Variants in NLGN1 observed in about 807,000 individuals in gnomAD.
NLGN1 encodes neuroligin-1.
NLGN1 carries 12 observed loss-of-function variants against 65.5 expected under a neutral mutation model. That is an observed-to-expected ratio of 0.18 (90% CI 0.12 to 0.30). NLGN1 has a LOEUF of 0.30. Ranked by LOEUF, NLGN1 falls within the 10% of genes least tolerant of loss-of-function variation. The probability of loss-of-function intolerance (pLI) is 1.00; values close to 1 mark genes in which losing one functional copy is unlikely to be tolerated. For missense variants in NLGN1, 750 were observed against 1,007.1 expected, an observed-to-expected ratio of 0.74 and a Z score of 3.46; for synonymous variants, 350 against 359.5, an observed-to-expected ratio of 0.97 and a Z score of 0.30.
intron 3 of NLGN1, among the ~76,000 whole-genome samples, chr3:173,806,475 G>A (rs180947414): frequency 3.3e-5 from 5 of 151,792 alleles, no homozygotes; most frequent in African/African-American, 1.2e-4. Context: ...TAAATTATAC[G>A]TTTTAATATT....
chr3:173,658,409 C>T (rs531707878), intron 3 of NLGN1, among the ~76,000 whole-genome samples: 74 of 152,010 alleles, frequency 4.9e-4, no homozygotes, highest in Non-Finnish European at 8.2e-4. Context: ...AGTTGTGCTT[C>T]AGAGTAGAAT....
chr3:174,147,486 T>G (rs955009021), intron 4 of NLGN1, among the ~76,000 whole-genome samples: 1 of 128,524 alleles, frequency 7.8e-6, no homozygotes, highest in Non-Finnish European at 1.6e-5. Context: ...CAGGCTGGAG[T>G]GCAAAAGAGC....
chr3:174,017,798 G>A (rs1450818339), intron 4 of NLGN1, among the ~76,000 whole-genome samples: 1 of 152,102 alleles, frequency 6.6e-6, no homozygotes, highest in Non-Finnish European at 1.5e-5. Context: ...AATATTACAA[G>A]GCAACTGGAG....
At chr3:174,237,731 A>G (rs1378295937) in intron 4 of NLGN1, among the ~76,000 whole-genome samples, 1 of 152,026 alleles carries the variant, frequency 6.6e-6, no homozygotes, top group Non-Finnish European at 1.5e-5. Context: ...TAATTTTTGT[A>G]TTTTTAGTAG....
chr3:174,016,911 G>A (rs1299405077), intron 4 of NLGN1, among the ~76,000 whole-genome samples: 1 of 152,084 alleles, frequency 6.6e-6, no homozygotes, highest in African/African-American at 2.4e-5. Context: ...GGATTGGGTT[G>A]AGAAAGGAGC....
At chr3:174,293,696 G>T in the NLGN1 span, among the ~76,000 whole-genome samples, 1 of 151,598 alleles carries the variant, frequency 6.6e-6, no homozygotes, top group Non-Finnish European at 1.5e-5. Flanking sequence ...TCAGGGGTGA[G>T]AGGAAATAAA....
chr3:173,692,489 A>T (rs75357486), intron 3 of NLGN1, among the ~76,000 whole-genome samples: 1 of 152,116 alleles, frequency 6.6e-6, no homozygotes, highest in Non-Finnish European at 1.5e-5. Flanking sequence ...AACATAGAAA[A>T]TACTATATAA....
intron 3 of NLGN1, among the ~76,000 whole-genome samples, chr3:173,700,921 C>G (rs1026259826): frequency 1.3e-5 from 2 of 152,038 alleles, no homozygotes; most frequent in South Asian, 2.1e-4. Flanking sequence ...GTCAGGAGAT[C>G]GAGACCATCC....
chr3:173,853,297 T>A (rs1450097807), intron 4 of NLGN1, among the ~76,000 whole-genome samples: 3 of 152,190 alleles, frequency 2.0e-5, no homozygotes, highest in Non-Finnish European at 4.4e-5. Flanking sequence ...GATGTTCCCA[T>A]TGCTGATGCT....
At chr3:174,273,021 CTGT>C (rs201229386) in intron 4 of NLGN1, among the ~76,000 whole-genome samples, 18 of 149,504 alleles carry the variant, frequency 1.2e-4, no homozygotes, top group South Asian at 4.2e-4. Flanking sequence ...TTTTACAGCA[CTGT>C]TGTTATATAA....
In NLGN1 at chr3:173,490,693, G is replaced by C. The variant is rs999411038; in HGVS notation, c.-321+55615G>C. 9.0e-3 allele frequency among the ~76,000 whole-genome samples: 1,367 copies of C among 152,066 alleles called. 24 individuals carry two copies. The highest frequency in any genetic ancestry group is 0.032 in the African/African-American group (1,315 of 41,490). ...TATAAATTACCTTGGGCAGTATGGCGATTTTCACGATATTGATTCTTCCTA... is the reference window on the plus strand; with the variant it reads ...TATAAATTACCTTGGGCAGTATGGCCATTTTCACGATATTGATTCTTCCTA... On this transcript the variant is annotated intron_variant, in intron 2 of 6. Coordinates refer to ENST00000457714, the Ensembl canonical transcript of NLGN1.
intron 4 of NLGN1, among the ~76,000 whole-genome samples, chr3:174,066,562 C>CTGTG (rs1401534201): frequency 3.1e-5 from 4 of 129,930 alleles, no homozygotes; most frequent in African/African-American, 9.6e-5. Flanking sequence ...CTCTCTCTCT[C>CTGTG]TCTGTGTGTG....
chr3:173,856,137 A>C (rs1389864935), intron 4 of NLGN1, among the ~76,000 whole-genome samples: 2 of 152,254 alleles, frequency 1.3e-5, no homozygotes, highest in East Asian at 3.9e-4. Context: ...TCAAGTGTAC[A>C]GCTTCTTCTT....
chr3:174,043,431 A>G (rs1479716876), intron 4 of NLGN1, among the ~76,000 whole-genome samples: 1 of 152,230 alleles, frequency 6.6e-6, no homozygotes, highest in Non-Finnish European at 1.5e-5. Flanking sequence ...AAATCAAGTT[A>G]CTTACTTCCT....
Position 173,653,536 on chromosome 3 carries a change from T to C in NLGN1, c.493+48445T>C, listed in dbSNP as rs963936984. On this transcript the variant is annotated intron_variant, in intron 3 of 6. Coordinates refer to ENST00000457714, the Ensembl canonical transcript of NLGN1. ...CCTTAACTTTGTTTATATGATGAAT[T>C]ACATTTATTGACAAAAATGTTAGCC... Among the ~76,000 whole-genome samples, 8 of 152,222 alleles carry C rather than the reference T, an allele frequency of 5.3e-5. No homozygotes were observed. In the South Asian group the frequency reaches 8.3e-4, roughly 16 times the overall value.
chr3:174,089,513 T>G (rs2152562872), intron 4 of NLGN1, among the ~76,000 whole-genome samples: 1 of 152,320 alleles, frequency 6.6e-6, no homozygotes, highest in African/African-American at 2.4e-5. Flanking sequence ...CACACTTTCC[T>G]TAGCTTAAAG....
At chr3:174,161,321 A>G (rs574896413) in intron 4 of NLGN1, among the ~76,000 whole-genome samples, 1 of 152,018 alleles carries the variant, frequency 6.6e-6, no homozygotes, top group South Asian at 2.1e-4. Context: ...TCCCAAAGGA[A>G]AACATTATTT....
At chr3:173,846,022 C>A (rs541957889) in intron 4 of NLGN1, among the ~76,000 whole-genome samples, 7 of 152,074 alleles carry the variant, frequency 4.6e-5, no homozygotes, top group Non-Finnish European at 8.8e-5. Context: ...CTCAAGCAAT[C>A]CTCCTGCCTC....
chr3:173,839,962 G>A (rs200842477), intron 4 of NLGN1, among the ~76,000 whole-genome samples: 3 of 152,266 alleles, frequency 2.0e-5, no homozygotes, highest in Admixed American at 6.5e-5. Flanking sequence ...ATATTCATGC[G>A]GCTAGTGTGG....
Sources: gnomAD v4.1 joint callset for allele counts (sites outside exome capture counted in the v4.1 genomes callset) on GRCh38, gnomAD v4.1.1 for gene constraint, MANE v1.5 for transcripts, NCBI Gene and HGNC (gene_info 2026-07-23, HGNC 2026-07-21) for gene names.